VIPR2: variants seen among roughly 807,000 people sequenced by gnomAD.
The protein encoded by VIPR2 is vasoactive intestinal polypeptide receptor 2.
A neutral mutation model predicts 58.0 loss-of-function variants in VIPR2; 48 were observed. The ratio of observed to expected loss-of-function variants is 0.83; its 90% CI spans 0.66 to 1.05. The LOEUF (loss-of-function observed/expected upper bound fraction) is 1.05. Ranked by LOEUF, VIPR2 falls within the 50% of genes least tolerant of loss-of-function variation. The pLI is 0.00. For missense variants in VIPR2, 534 were observed against 558.0 expected, an observed-to-expected ratio of 0.96 and a Z score of 0.43; for synonymous variants, 243 against 235.2, an observed-to-expected ratio of 1.03 and a Z score of -0.30.
rs573340964 is a variant in VIPR2, at chr7:159,093,536, C to T, written c.357+10221G>A. 1.3e-5 allele frequency among the ~76,000 whole-genome samples: 2 copies of T among 152,288 alleles called. No homozygotes were observed. Among genetic ancestry groups the T allele is most frequent in the East Asian group, 3.9e-4 (2 of 5,182 alleles). ...TATTTCTCACAAAAATAACCACTTCCCTGGGCTGAAAACTCCCCTGGAGTC... is the reference window on the plus strand; with the variant it reads ...TATTTCTCACAAAAATAACCACTTCTCTGGGCTGAAAACTCCCCTGGAGTC... On this transcript the variant is annotated intron_variant, in intron 4 of 12. Coordinates refer to ENST00000262178, the MANE Select transcript of VIPR2 (RefSeq NM_003382.5). This position sits in a 1 kb window ranked among gnomAD's most constrained non-coding sequence, Gnocchi z 6.7.
chr7:159,122,625 A>G (rs1006511472), intron 2 of VIPR2, among the ~76,000 whole-genome samples: 11 of 152,232 alleles, frequency 7.2e-5, no homozygotes, highest in Non-Finnish European at 1.0e-4. Flanking sequence ...ATACAGGTGC[A>G]GGGCACACCT....
At chr7:159,039,426 C>T (rs185069035) in intron 6 of VIPR2, among the ~76,000 whole-genome samples, 5 of 152,188 alleles carry the variant, frequency 3.3e-5, no homozygotes, top group South Asian at 2.1e-4. Flanking sequence ...TGCAGTGAGC[C>T]GAGATCCTGC....
intron 2 of VIPR2, among the ~76,000 whole-genome samples, chr7:159,115,604 C>T (rs544969239): frequency 3.9e-5 from 6 of 152,230 alleles, no homozygotes; most frequent in Non-Finnish European, 5.9e-5. Context: ...CTGCTTTGGA[C>T]GTCTCACCTT....
chr7:159,104,433 A>C (rs528987410), intron 3 of VIPR2, among the ~76,000 whole-genome samples: 1 of 150,702 alleles, frequency 6.6e-6, no homozygotes, highest in African/African-American at 2.5e-5. Flanking sequence ...AGTTCCCGAC[A>C]GCACCCTCCC....
At position 159,032,012 on chromosome 7, in the gene VIPR2, C is replaced by T. The variant is rs759287103; in HGVS notation, c.1027G>A (p.Val343Met). 1.2e-6 allele frequency: 2 copies of T among 1,614,128 alleles called. No individual in the cohort carries two copies. The highest frequency in any genetic ancestry group is 2.2e-5 in the South Asian group (2 of 91,084). ...ATGCTGATGGGAAACACGGCAAACACCATGTAGTGGACGCCGAACAGCGGG... is the reference window on the plus strand; with the variant it reads ...ATGCTGATGGGAAACACGGCAAACATCATGTAGTGGACGCCGAACAGCGGG... ...LIPLFGVHYMVFAVFPISISS... is the reference protein window; with the variant it reads ...LIPLFGVHYMMFAVFPISISS... The change falls in exon 11 of 13, where the codon GTG becomes ATG. Residue 343 changes from valine to methionine, a missense_variant. Transcript: ENST00000262178.
Position 159,044,602 on chromosome 7 carries a change from A to C in VIPR2, c.456-1426T>G, listed in dbSNP as rs965872101. 3.7e-3 allele frequency among the ~76,000 whole-genome samples: 568 copies of C among 151,564 alleles called. 5 individuals are homozygous for C. Among genetic ancestry groups the C allele is most frequent in the African/African-American group, 0.013 (538 of 41,388 alleles). On this transcript the variant is annotated intron_variant, in intron 5 of 12. Coordinates refer to ENST00000262178, the MANE Select transcript of VIPR2 (RefSeq NM_003382.5). ...TGCTTAAAGAGTGCAAAAAAAAAAAAACCTAAAACAAAAAACCATAGACAA... is the reference window on the plus strand; with the variant it reads ...TGCTTAAAGAGTGCAAAAAAAAAAACACCTAAAACAAAAAACCATAGACAA...
intron 2 of VIPR2, among the ~76,000 whole-genome samples, chr7:159,138,360 G>A (rs946213967): frequency 1.3e-5 from 2 of 152,206 alleles, no homozygotes; most frequent in African/African-American, 4.8e-5. Context: ...GAGAAAGTGG[G>A]CTAAAATAGT....
At chr7:159,132,344 C>G (rs1281666693) in intron 2 of VIPR2, among the ~76,000 whole-genome samples, 11 of 139,508 alleles carry the variant, frequency 7.9e-5, no homozygotes, top group Non-Finnish European at 1.6e-4. Flanking sequence ...CTGAGCTCTC[C>G]GACTCCATGG....
chr7:159,050,371 A>C (rs1349726669), intron 5 of VIPR2, among the ~76,000 whole-genome samples: 7 of 151,516 alleles, frequency 4.6e-5, no homozygotes, highest in African/African-American at 1.7e-4. Flanking sequence ...AAAAACAAAA[A>C]AAAACAAAAA....
At chr7:159,060,256 G>A (rs563180120) in intron 4 of VIPR2, among the ~76,000 whole-genome samples, 160 of 137,818 alleles carry the variant, frequency 1.2e-3, no homozygotes, top group African/African-American at 4.0e-3. Context: ...CACTCACCTC[G>A]CCTAACCATC....
intron 4 of VIPR2, among the ~76,000 whole-genome samples, chr7:159,091,811 C>T (rs893067467): frequency 2.0e-5 from 3 of 152,222 alleles, no homozygotes; most frequent in Non-Finnish European, 2.9e-5. Flanking sequence ...CCTCCTTCCA[C>T]GGGCCTGAGC....
At chr7:159,054,038 C>T (rs1202513834) in intron 5 of VIPR2, among the ~76,000 whole-genome samples, 1 of 152,146 alleles carries the variant, frequency 6.6e-6, no homozygotes, top group Non-Finnish European at 1.5e-5. Flanking sequence ...TGGCAGAAGG[C>T]CAAAGGAGCA....
intron 2 of VIPR2, among the ~76,000 whole-genome samples, chr7:159,114,729 C>A (rs1179035604): frequency 6.6e-6 from 1 of 151,366 alleles, no homozygotes; most frequent in Non-Finnish European, 1.5e-5. Flanking sequence ...TTGCTTGAGC[C>A]CAGGAGCTTG....
Position 159,140,751 on chromosome 7 carries a change from G to A in VIPR2, c.151+1695C>T, listed in dbSNP as rs148035285. On this transcript the variant is annotated intron_variant, in intron 2 of 12. Transcript: ENST00000262178. ...GGCTGAGTGACTGCCTGGGACCTGC[G>A]GCCCCTAGCGCCCGATATGACTCAC... 4.5e-3 allele frequency among the ~76,000 whole-genome samples: 689 copies of A among 152,276 alleles called. 3 individuals are homozygous for A. The highest frequency in any genetic ancestry group is 7.1e-3 in the Admixed American group (109 of 15,306).
At chr7:159,063,024 T>C (rs1855801534) in intron 4 of VIPR2, among the ~76,000 whole-genome samples, 1 of 152,216 alleles carries the variant, frequency 6.6e-6, no homozygotes, top group Non-Finnish European at 1.5e-5. Context: ...TTACAATCTC[T>C]TAGCTAGACA....
intron 3 of VIPR2, among the ~76,000 whole-genome samples, chr7:159,107,022 G>T (rs115370278): frequency 3.4e-4 from 52 of 152,220 alleles, no homozygotes; most frequent in African/African-American, 1.3e-3. Context: ...GAAAGGTTGT[G>T]GGGGGTGGGA....
chr7:159,030,559 C>A lies in VIPR2; in HGVS notation c.*57G>T. On this transcript the variant is annotated 3_prime_UTR_variant, in exon 13 of 13. Transcript: ENST00000262178. ...TGGAAGGAGGAAGCCGGCGTCTCAG[C>A]CCCGCAGAAGCCCCGAACCGTGGGC... The A allele has an allele frequency of 6.8e-7, 1 of 1,472,480 alleles. No homozygotes were observed. The allele number at this position is 1,472,480 out of a possible 1,614,324, so 91.2% of individuals were successfully genotyped here. A position where few individuals can be genotyped will look rare whatever the true frequency, so the allele number is the denominator to read the frequency against.
At position 159,102,823 on chromosome 7, in the gene VIPR2, G is replaced by C. The variant is rs142488197; in HGVS notation, c.357+934C>G. On this transcript the variant is annotated intron_variant, in intron 4 of 12. Transcript: ENST00000262178. ...GAGAACATTTGCATGTGGGGAGCGC[G>C]ATACTTCCCAGGGCTCCTTAGAGCA... Among the ~76,000 whole-genome samples the C allele has an allele frequency of 7.5e-3, 1,134 of 152,210 alleles. 15 individuals carry two copies. Among genetic ancestry groups the C allele is most frequent in the African/African-American group, 0.025 (1,055 of 41,552 alleles).
chr7:159,109,675 C>T (rs1183218479), intron 3 of VIPR2, 137 bp downstream of exon 3: 1 of 776,128 alleles, frequency 1.3e-6, no homozygotes, highest in Non-Finnish European at 2.2e-6. Context: ...CCCCAATATG[C>T]CACAGCTGTT....
Sources: allele counts gnomAD v4.1 joint callset (sites outside exome capture counted in the v4.1 genomes callset), GRCh38; gene constraint gnomAD v4.1.1; non-coding constraint Gnocchi (gnomAD v3.1); transcripts MANE v1.5; gene names NCBI Gene and HGNC (gene_info 2026-07-23, HGNC 2026-07-21).